NCOA5: variants seen among roughly 807,000 people sequenced by gnomAD.
The protein encoded by NCOA5 is NCoA-5.
NCOA5 carries 12 observed loss-of-function variants against 59.0 expected under a neutral mutation model. The ratio of observed to expected loss-of-function variants is 0.20; its 90% confidence interval spans 0.13 to 0.33. NCOA5 has a LOEUF of 0.33. NCOA5 is among the 10% of genes least tolerant of loss of function. NCOA5 has a pLI of 1.00. For missense variants in NCOA5, 655 were observed against 766.6 expected (o/e 0.85, Z 1.72); for synonymous variants, 270 against 275.5 (o/e 0.98, Z 0.20).
chr20:46,066,483 C>T (rs2084824537), intron 5 of NCOA5, among the ~76,000 whole-genome samples: 1 of 152,206 alleles, frequency 6.6e-6, no homozygotes, highest in Admixed American at 6.5e-5. Context: ...TCTCAGTCTG[C>T]ATGGTTCCAC....
intron 1 of NCOA5, among the ~76,000 whole-genome samples, chr20:46,085,495 G>C (rs776476712): frequency 1.4e-4 from 22 of 152,124 alleles, no homozygotes; most frequent in Non-Finnish European, 2.9e-4. Context: ...GTGTATGGAG[G>C]GGGTGGGGGT....
Position 46,070,230 on chromosome 20 carries a change from G to C in NCOA5, c.345C>G (p.Asp115Glu). 6.2e-7 allele frequency: 1 copy of C among 1,613,884 alleles called. No homozygotes were observed. Among genetic ancestry groups the C allele is most frequent in the Non-Finnish European group, 8.5e-7 (1 of 1,179,878 alleles). The change falls in exon 3 of 8, where the codon GAC becomes GAG. Residue 115 changes from aspartate (D) to glutamate (E), a missense_variant. Asp to Glu is a conservative substitution (Grantham distance 45). Around this residue, in one of 3 missense-constraint regions of NCOA5, gnomAD observed 250 missense variants for 260.1 expected, o/e 0.96. Transcript: ENST00000290231. ...PMYDRYRDMR[D>E]SRDPMYRREG... is the part of the protein sequence containing the mutation. Reference sequence around the variant, plus strand: ...TGTACCTGTACATAGGATCTCGGGAGTCTCTCATGTCTCTGTATCTGTCGT... The same window carrying C: ...TGTACCTGTACATAGGATCTCGGGACTCTCTCATGTCTCTGTATCTGTCGT...
rs2084941714 is a variant in NCOA5 at position 46,076,679 on chromosome 20, TTCA to T, written c.38+2705_38+2707del. On this transcript the variant is annotated intron_variant, in intron 2 of 7. Transcript: ENST00000290231. ...GCAAATAAACATGACTGTATGGAAC[TTCA>T]TCATGTTAAATAACATGCTGAGGAA... is the stretch of plus-strand genomic sequence containing the variant. Among the ~76,000 whole-genome samples the T allele has an allele frequency of 2.0e-5, 3 of 152,080 alleles. No individual in the cohort carries two copies. The South Asian group carries it at 6.2e-4, about 32-fold the overall frequency.
intron 1 of NCOA5, among the ~76,000 whole-genome samples, chr20:46,082,050 C>T (rs1262920559): frequency 6.6e-6 from 1 of 152,028 alleles, no homozygotes; most frequent in Non-Finnish European, 1.5e-5. Context: ...ATTTGAAAAC[C>T]TGTCAGTTGG....
intron 1 of NCOA5, among the ~76,000 whole-genome samples, chr20:46,084,810 A>G (rs1249782877): frequency 1.3e-5 from 2 of 152,258 alleles, no homozygotes; most frequent in Non-Finnish European, 2.9e-5. Context: ...ACTACAAAAA[A>G]AGAGTCTGAG....
intron 2 of NCOA5, among the ~76,000 whole-genome samples, chr20:46,076,279 A>G (rs910980484): frequency 3.3e-5 from 5 of 152,200 alleles, no homozygotes; most frequent in African/African-American, 1.2e-4. Flanking sequence ...GTTGTTGTCA[A>G]CTATTGATAC....
chr20:46,072,356 C>G (rs1417293510), intron 2 of NCOA5, among the ~76,000 whole-genome samples: 1 of 152,138 alleles, frequency 6.6e-6, no homozygotes, highest in African/African-American at 2.4e-5. Flanking sequence ...GAGATCTCAC[C>G]TATGCTGCCC....
At chr20:46,066,303 G>T (rs1457194591) in intron 5 of NCOA5, among the ~76,000 whole-genome samples, 2 of 152,212 alleles carry the variant, frequency 1.3e-5, no homozygotes, top group Admixed American at 1.3e-4. Context: ...ATAAGCCCTA[G>T]CTTGGTAACA....
chr20:46,068,675 G>T (rs1187698158), intron 3 of NCOA5, 37 bp from the exon 4 acceptor site: 1 of 1,594,970 alleles, frequency 6.3e-7, no homozygotes, highest in African/African-American at 1.4e-5. Flanking sequence ...AGATAAAACT[G>T]TGTCTTATCC....
At chr20:46,077,068 C>T (rs900863933) in intron 2 of NCOA5, among the ~76,000 whole-genome samples, 1 of 152,136 alleles carries the variant, frequency 6.6e-6, no homozygotes, top group Admixed American at 6.6e-5. Flanking sequence ...CAGGCAAGAG[C>T]CATGACGCCC....
chr20:46,065,626 G>C (rs1398989257), intron 5 of NCOA5, among the ~76,000 whole-genome samples: 1 of 152,202 alleles, frequency 6.6e-6, no homozygotes, highest in Non-Finnish European at 1.5e-5. Flanking sequence ...TATTTGCAAA[G>C]TTGTGAAGCT....
chr20:46,075,641 T>C (rs1260987080), intron 2 of NCOA5, among the ~76,000 whole-genome samples: 2 of 152,210 alleles, frequency 1.3e-5, no homozygotes, highest in African/African-American at 4.8e-5. Context: ...TTCTTGTACC[T>C]AGAGGCCACA....
At chr20:46,075,915 G>C (rs2084933476) in intron 2 of NCOA5, among the ~76,000 whole-genome samples, 1 of 152,184 alleles carries the variant, frequency 6.6e-6, no homozygotes, top group Non-Finnish European at 1.5e-5. Flanking sequence ...TCTGTGCTTG[G>C]CTGGGCCAAT....
At chr20:46,076,948 C>T (rs753435129) in intron 2 of NCOA5, among the ~76,000 whole-genome samples, 1 of 152,214 alleles carries the variant, frequency 6.6e-6, no homozygotes, top group Non-Finnish European at 1.5e-5. Flanking sequence ...CAGGGACTCA[C>T]TCTGTTGCCC....
intron 1 of NCOA5, among the ~76,000 whole-genome samples, chr20:46,082,742 C>T (rs2085004254): frequency 6.6e-6 from 1 of 152,142 alleles, no homozygotes; most frequent in Admixed American, 6.5e-5. Flanking sequence ...GTTAAAAGCA[C>T]TTCTCAGTTA....
At chr20:46,089,775 G>A (rs1475306993) in intron 1 of NCOA5, 42 bp downstream of exon 1, 1 of 152,052 alleles carries the variant, frequency 6.6e-6, no homozygotes, top group Non-Finnish European at 1.5e-5. Context: ...CTGCCCGTCA[G>A]CCCCACGCCT....
intron 1 of NCOA5, among the ~76,000 whole-genome samples, chr20:46,084,325 G>A (rs987851334): frequency 2.6e-5 from 4 of 152,160 alleles, no homozygotes; most frequent in African/African-American, 9.7e-5. Flanking sequence ...TGCCTCCAAC[G>A]GAGTGGAAAG....
At chr20:46,085,635 G>A (rs918468745) in intron 1 of NCOA5, among the ~76,000 whole-genome samples, 1 of 152,152 alleles carries the variant, frequency 6.6e-6, no homozygotes, top group South Asian at 2.1e-4. Flanking sequence ...TGGTGTGAAG[G>A]ACATAATAAA....
intron 6 of NCOA5, among the ~76,000 whole-genome samples, chr20:46,064,308 A>G (rs2084798491): frequency 6.6e-6 from 1 of 152,188 alleles, no homozygotes; most frequent in Non-Finnish European, 1.5e-5. Context: ...TATGAGGGTA[A>G]TGGGTGAGGC....
Sources: allele counts gnomAD v4.1 joint callset (sites outside exome capture counted in the v4.1 genomes callset), GRCh38; gene constraint gnomAD v4.1.1; regional missense constraint gnomAD v4.1.1; transcripts MANE v1.5; gene names NCBI Gene and HGNC (gene_info 2026-07-23, HGNC 2026-07-21).